The following INPP5A variants were observed in gnomAD, a reference collection of about 807,000 sequenced individuals.
The protein encoded by INPP5A is inositol polyphosphate-5-phosphatase A, also known as 43 kDa inositol polyphosphate 5-phophatase.
In INPP5A, 14 loss-of-function variants were observed where a neutral mutation model predicts 65.2. That is an observed-to-expected ratio of 0.21 (90% confidence interval 0.14 to 0.34). INPP5A has a LOEUF of 0.34. Ranked by LOEUF, INPP5A falls within the 10% of genes least tolerant of loss-of-function variation. INPP5A has a pLI of 1.00. For missense variants in INPP5A, 431 were observed against 545.6 expected (o/e 0.79, Z 2.09); for synonymous variants, 207 against 208.3 (o/e 0.99, Z 0.05).
rs775340671 is a variant in INPP5A, at chr10:132,555,720, G to A, written c.75+17549G>A. Among the ~76,000 whole-genome samples, 9 of 152,104 alleles carry A rather than the reference G, an allele frequency of 5.9e-5. No homozygotes were observed. The highest frequency in any genetic ancestry group is 2.0e-4 in the Admixed American group (3 of 15,280). The stretch of plus-strand genomic sequence containing the variant: ...CCTTGACAATTTTAGTTTAGTTTTC[G>A]TGCAGAGTGACCCAGACAGGCACAA... On this transcript the variant is annotated intron_variant, in intron 1 of 15. Transcript: ENST00000368594. The surrounding 1 kb of genome is among the most constrained non-coding windows in gnomAD (Gnocchi z 4.4).
At chr10:132,552,227 G>A (rs2071062338) in intron 1 of INPP5A, among the ~76,000 whole-genome samples, 1 of 147,542 alleles carries the variant, frequency 6.8e-6, no homozygotes, top group African/African-American at 2.5e-5. Flanking sequence ...GGATAGGGAG[G>A]GAGGATTGGT....
intron 1 of INPP5A, among the ~76,000 whole-genome samples, chr10:132,574,959 A>C (rs2071397152): frequency 6.6e-6 from 1 of 152,140 alleles, no homozygotes; most frequent in Non-Finnish European, 1.5e-5. Flanking sequence ...TCTGGTGGTA[A>C]GGAGCTGTCT....
chr10:132,670,710 C>A (rs1161444869), intron 4 of INPP5A, among the ~76,000 whole-genome samples: 1 of 152,002 alleles, frequency 6.6e-6, no homozygotes, highest in African/African-American at 2.4e-5. Flanking sequence ...AACACCCAGT[C>A]TCCCTTTGTG....
At chr10:132,669,669 ATGTGGGGCCTGCC>A (rs2072857252) in intron 4 of INPP5A, among the ~76,000 whole-genome samples, 1 of 152,154 alleles carries the variant, frequency 6.6e-6, no homozygotes, top group Non-Finnish European at 1.5e-5. Flanking sequence ...AGCTTGGAGG[ATGTGGGGCCTGCC>A]TGTGCGTGCC....
intron 4 of INPP5A, among the ~76,000 whole-genome samples, chr10:132,666,653 G>A (rs1478383310): frequency 3.3e-5 from 5 of 152,196 alleles, no homozygotes; most frequent in African/African-American, 7.2e-5. Context: ...GGCCCACACC[G>A]AGCCGAAACA....
At chr10:132,671,362 C>CGCCCTCCCTGCTTCGGACTCT (rs1489725891) in intron 4 of INPP5A, among the ~76,000 whole-genome samples, 2 of 149,610 alleles carry the variant, frequency 1.3e-5, no homozygotes, top group Admixed American at 1.3e-4. Context: ...CTTCGGACTC[C>CGCCCTCCCTGCTTCGGACTCT]GCCCTCCCTG....
chr10:132,775,188 G>GATGGGCAGGGAGGAGAGAGGGA (rs1847040258), intron 12 of INPP5A, among the ~76,000 whole-genome samples: 1 of 1,750 alleles, frequency 5.7e-4, no homozygotes, highest in Non-Finnish European at 1.1e-3. Context: ...CAGGGAGAGA[G>GATGGGCAGGGAGGAGAGAGGGA]GGAGGGGCAG....
At chr10:132,725,898 A>G (rs986996667) in intron 8 of INPP5A, among the ~76,000 whole-genome samples, 1 of 152,064 alleles carries the variant, frequency 6.6e-6, no homozygotes, top group Admixed American at 6.5e-5. Flanking sequence ...TACAGATCAC[A>G]TGTTTCTGTT....
intron 8 of INPP5A, among the ~76,000 whole-genome samples, chr10:132,711,702 C>G (rs528321306): frequency 1.3e-5 from 2 of 152,354 alleles, no homozygotes; most frequent in East Asian, 3.9e-4. Flanking sequence ...CCTTCTGTTC[C>G]CGGGGCCGGT....
intron 4 of INPP5A, among the ~76,000 whole-genome samples, chr10:132,667,114 C>A (rs900339562): frequency 1.3e-5 from 2 of 152,192 alleles, no homozygotes; most frequent in Non-Finnish European, 2.9e-5. Context: ...TTTTATATAT[C>A]TATTTATGAG....
chr10:132,747,668 T>G (rs919869736), intron 9 of INPP5A, among the ~76,000 whole-genome samples: 2 of 152,246 alleles, frequency 1.3e-5, no homozygotes, highest in African/African-American at 4.8e-5. Context: ...CCAAGGGCCC[T>G]TTCAGGGAGA....
intron 1 of INPP5A, among the ~76,000 whole-genome samples, chr10:132,606,550 A>G (rs73399379): frequency 0.029 from 4,359 of 152,230 alleles, 90 homozygotes; most frequent in African/African-American, 0.051. Flanking sequence ...TGATCTGTGA[A>G]GCTCTTGTTT....
At chr10:132,710,215 G>A (rs891605535) in intron 7 of INPP5A, 122 bp from the exon 8 acceptor site, 29 of 1,147,582 alleles carry the variant, frequency 2.5e-5, no homozygotes, top group South Asian at 4.6e-5. Context: ...GCCCCGCCTC[G>A]GGTGGCTCCG....
intron 4 of INPP5A, among the ~76,000 whole-genome samples, chr10:132,685,317 C>T (rs2133466345): frequency 6.6e-6 from 1 of 152,350 alleles, no homozygotes; most frequent in East Asian, 1.9e-4. Flanking sequence ...GAGCTGGCAC[C>T]TGTGGTCACG....
chr10:132,722,619 G>C (rs1362151430), intron 8 of INPP5A, among the ~76,000 whole-genome samples: 1 of 152,178 alleles, frequency 6.6e-6, no homozygotes, highest in African/African-American at 2.4e-5. Flanking sequence ...TCTTTAATCT[G>C]CGGTGTCGTG....
At chr10:132,683,258 A>G (rs565298436) in intron 4 of INPP5A, among the ~76,000 whole-genome samples, 3 of 142,608 alleles carry the variant, frequency 2.1e-5, no homozygotes, top group Non-Finnish European at 3.0e-5. Context: ...GTTGTATTAT[A>G]TACATATGCA....
chr10:132,749,304 C>T (rs1464304795), intron 9 of INPP5A, among the ~76,000 whole-genome samples: 1 of 149,574 alleles, frequency 6.7e-6, no homozygotes, highest in African/African-American at 2.4e-5. Context: ...TGCAGCCACG[C>T]TTTGTTGGGG....
chr10:132,734,325 C>T (rs1846139105), intron 9 of INPP5A, among the ~76,000 whole-genome samples: 1 of 152,186 alleles, frequency 6.6e-6, no homozygotes, highest in Non-Finnish European at 1.5e-5. Context: ...GAAAAGTGGA[C>T]GAGGAATCCC....
Position 132,575,178 on chromosome 10 carries a change from G to A in INPP5A, c.76-32737G>A, listed in dbSNP as rs11146422. ...CTGTTGAATGCTGCATTCTTCCTCC[G>A]CAGGCTGGCGTTTGCACCGGCCTGG... is the stretch of plus-strand genomic sequence containing the variant. On this transcript the variant is annotated intron_variant, in intron 1 of 15. Transcript: ENST00000368594. This position sits in a 1 kb window ranked among gnomAD's most constrained non-coding sequence, Gnocchi z 5.4. Among the ~76,000 whole-genome samples the A allele has an allele frequency of 1.5e-3, 235 of 152,224 alleles. 1 individual carries two copies. Among genetic ancestry groups the A allele is most frequent in the Middle Eastern group, 3.4e-3 (1 of 294 alleles).
Sources: gnomAD v4.1 joint callset for allele counts (sites outside exome capture counted in the v4.1 genomes callset) on GRCh38, gnomAD v4.1.1 for gene constraint, Gnocchi (gnomAD v3.1) non-coding constraint, MANE v1.5 for transcripts, NCBI Gene and HGNC (gene_info 2026-07-23, HGNC 2026-07-21) for gene names.